Variants in NAGK observed in about 807,000 individuals in gnomAD.
NAGK encodes the protein N-acetylglucosamine kinase, also known as N-acetyl-D-glucosamine kinase.
In NAGK, 35 loss-of-function variants were observed where a neutral mutation model predicts 42.9. The observed-to-expected ratio is 0.82, with a 90% CI of 0.62 to 1.08. The LOEUF (loss-of-function observed/expected upper bound fraction) is 1.08, where lower values mean the gene tolerates loss of function less well. Among genes scored for constraint, NAGK ranks in the 50% least tolerant of loss-of-function variants. The probability of loss-of-function intolerance (pLI) is 0.00; values close to 1 mark genes in which losing one functional copy is unlikely to be tolerated. For synonymous variants in NAGK, 172 were observed against 176.0 expected (o/e 0.98, Z 0.18); for missense variants, 446 against 446.0 (o/e 1.00, Z 0.00).
Position 71,068,694 on chromosome 2 carries a change from T to C in NAGK, c.11T>C (p.Ile4Thr). 1 of 1,515,288 alleles carries C rather than the reference T, an allele frequency of 6.6e-7. No homozygotes were observed. The highest frequency in any genetic ancestry group is 8.8e-7 in the Non-Finnish European group (1 of 1,132,282). The allele number at this position is 1,515,288 out of a possible 1,614,324, so 93.9% of individuals were successfully genotyped here. ...GACGGTAGCAGCAGCATGGCCGCGA[T>C]CTATGGGGGTGTAGAGGGGTGAGTG... Reference protein sequence around the residue: MAAIYGGVEGGGTR... With the variant: MAATYGGVEGGGTR... Residue 4 changes from isoleucine (I) to threonine (T), a missense_variant, in exon 1 of 10, where the codon ATC (isoleucine) becomes ACC (threonine). Coordinates refer to ENST00000244204, the MANE Select transcript of NAGK (RefSeq NM_017567.6).
chr2:71,077,617 C>T lies in NAGK; in HGVS notation c.825C>T (p.Ser275=). The T allele has an allele frequency of 6.2e-7, 1 of 1,607,320 alleles. No homozygotes were observed. Among genetic ancestry groups the T allele is most frequent in the African/African-American group, 1.3e-5 (1 of 74,864 alleles). ...TGTGCGTGGGCTCTGTGTGGAAGAG[C>T]TGGGAGCTGCTGAAGGAAGGTGAGC... ...PILCVGSVWK[S]WELLKEGFLL... The change falls in exon 9 of 10, where the codon AGC becomes AGT. Residue 275 remains serine (S), a synonymous_variant. Coordinates refer to ENST00000244204, the MANE Select transcript of NAGK (RefSeq NM_017567.6).
At chr2:71,071,099 A>T in intron 3 of NAGK, 1 of 479,816 alleles carries the variant, frequency 2.1e-6, no homozygotes, top group South Asian at 2.2e-5. Flanking sequence ...GTATCTGCGT[A>T]ACCCTGTGTA....
Position 71,075,492 on chromosome 2 carries a change from G to C in NAGK, c.580-63G>C, listed in dbSNP as rs1054788276. ...TAGAGACATTAGGAAGGCCAACTTT[G>C]GTGGGCAGATTGGGGATTTTCCTTT... On this transcript the variant is annotated intron_variant, in intron 6 of 9. Coordinates refer to ENST00000244204, the MANE Select transcript of NAGK (RefSeq NM_017567.6). The C allele has an allele frequency of 2.2e-5, 29 of 1,339,836 alleles. No homozygotes were observed. In the Middle Eastern group the frequency reaches 7.2e-4, roughly 33 times the overall value. The allele number at this position is 1,339,836 out of a possible 1,614,324, so 83.0% of individuals were successfully genotyped here. A position where few individuals can be genotyped will look rare whatever the true frequency, so the allele number is the denominator to read the frequency against.
chr2:71,073,629 G>T (rs1457969268), intron 6 of NAGK, 35 bp downstream of exon 6: 5 of 1,526,358 alleles, frequency 3.3e-6, no homozygotes, highest in Non-Finnish European at 4.5e-6. Context: ...ATGCGCACCT[G>T]GGGTAGGGCA....
chr2:71,068,471 T>A (rs1196224212), upstream of NAGK: 2 of 1,405,802 alleles, frequency 1.4e-6, no homozygotes, highest in African/African-American at 1.5e-5. Context: ...TCGCTCCACC[T>A]GGAGGAGACA....
At chr2:71,075,129 A>G (rs910906642) in intron 6 of NAGK, 1 of 158,480 alleles carries the variant, frequency 6.3e-6, no homozygotes, top group Non-Finnish European at 1.4e-5. Context: ...TACAATATGC[A>G]ATATTCCTTG....
chr2:71,068,634 A>G (rs1361283601), upstream of NAGK: 5 of 1,521,032 alleles, frequency 3.3e-6, no homozygotes, highest in African/African-American at 5.7e-5. Context: ...AGGAGGTGTC[A>G]GGCGGGGAGA....
chr2:71,077,646 G>T lies in NAGK; in HGVS notation c.844+10G>T, dbSNP rs2302795. ...GAGCTGCTGAAGGAAGGTGAGCCTG[G>T]GGGGAGGCTGGAAGGGCAAGGGCAG... On this transcript the variant is annotated intron_variant, in intron 9 of 9. Coordinates refer to ENST00000244204, the MANE Select transcript of NAGK (RefSeq NM_017567.6). 4.4e-6 allele frequency: 7 copies of T among 1,598,150 alleles called. No homozygotes were observed. Among genetic ancestry groups the T allele is most frequent in the African/African-American group, 4.0e-5 (3 of 74,572 alleles).
At chr2:71,068,304 G>C (rs990482768), upstream of NAGK, 1 of 471,382 alleles carries the variant, frequency 2.1e-6, no homozygotes, top group African/African-American at 2.0e-5. Flanking sequence ...ACGCGGGACT[G>C]CCAGCAACTT....
At chr2:71,076,423 T>C in intron 7 of NAGK, 181 bp from the exon 8 acceptor site, 2 of 558,224 alleles carry the variant, frequency 3.6e-6, no homozygotes, top group East Asian at 3.1e-5. Context: ...GGGAGGTAGC[T>C]GGTATGTTTG....
rs1043593968 is a variant in NAGK at position 71,072,586 on chromosome 2, C to T, written c.356-55C>T. 4.1e-5 allele frequency: 59 copies of T among 1,430,138 alleles called. No homozygotes were observed. In the African/African-American group the frequency reaches 7.2e-4, roughly 17 times the overall value. 88.6% of individuals were successfully genotyped at this position (1,430,138 alleles called of 1,614,324 possible). On this transcript the variant is annotated intron_variant, in intron 4 of 9. Transcript: ENST00000244204. ...TGTCCTGTCTTTCCACAGTGGCAAGCTGTTGCTCTGTGCCAGGCCTCGGCC... is the reference window on the plus strand; with the variant it reads ...TGTCCTGTCTTTCCACAGTGGCAAGTTGTTGCTCTGTGCCAGGCCTCGGCC...
Position 71,070,636 on chromosome 2 carries a change from C to T in NAGK, c.114+50C>T, listed in dbSNP as rs781437025. 1.1e-5 allele frequency: 17 copies of T among 1,605,796 alleles called. No individual in the cohort carries two copies. The Middle Eastern group carries it at 5.0e-4, about 47-fold the overall frequency. The stretch of plus-strand genomic sequence containing the variant: ...GAGGGCTTGGTTCTGATTTTATTCT[C>T]TGTAATTCCTGTTGAGGTGGTGGCT... On this transcript the variant is annotated intron_variant, in intron 2 of 9. Coordinates refer to ENST00000244204, the MANE Select transcript of NAGK (RefSeq NM_017567.6).
At chr2:71,073,343 T>G in intron 5 of NAGK, 139 bp from the exon 6 acceptor site, 1 of 171,710 alleles carries the variant, frequency 5.8e-6, no homozygotes, top group Non-Finnish European at 1.2e-5. Flanking sequence ...TCCCACCCCC[T>G]GCCACCCCTG....
chr2:71,073,854 C>G (rs1307066392), intron 6 of NAGK, among the ~76,000 whole-genome samples: 1 of 152,138 alleles, frequency 6.6e-6, no homozygotes, highest in Non-Finnish European at 1.5e-5. Flanking sequence ...AGACTTCATT[C>G]TTGGGCAGCT....
At chr2:71,074,746 C>T (rs1023382819) in intron 6 of NAGK, 1 of 152,158 alleles carries the variant, frequency 6.6e-6, no homozygotes, top group African/African-American at 2.4e-5. Flanking sequence ...GAAACCCCGT[C>T]TGTACTAAAA....
chr2:71,077,512 G>C lies in NAGK; in HGVS notation c.766-46G>C. On this transcript the variant is annotated intron_variant, in intron 8 of 9. Transcript: ENST00000244204. ...TAGGAAACTCCCGCCTTCAGCACTG[G>C]AGAGGCTAGGTTGGCCCCCATATCC... 1.9e-6 allele frequency: 3 copies of C among 1,557,144 alleles called. No individual in the cohort carries two copies. In the South Asian group the frequency reaches 3.5e-5, roughly 18 times the overall value.
upstream of NAGK, chr2:71,068,547 T>TGCGCACGCGCAC (rs776611474): frequency 1.7e-5 from 25 of 1,476,960 alleles, no homozygotes; most frequent in African/African-American, 3.0e-5. Context: ...GCCCCGCGCA[T>TGCGCACGCGCAC]GCGCACGCGC....
chr2:71,071,367 A>C (rs906817323), intron 3 of NAGK: 6 of 359,514 alleles, frequency 1.7e-5, no homozygotes, highest in African/African-American at 4.1e-5. Flanking sequence ...CGTGTATACC[A>C]AACCAAGCTT....
chr2:71,070,624 T>C, intron 2 of NAGK, 38 bp downstream of exon 2: 1 of 1,608,402 alleles, frequency 6.2e-7, no homozygotes. Flanking sequence ...GGCTTGGTTC[T>C]GATTTTATTC....
Sources: allele counts gnomAD v4.1 joint callset (sites outside exome capture counted in the v4.1 genomes callset), GRCh38; gene constraint gnomAD v4.1.1; transcripts MANE v1.5; gene names NCBI Gene and HGNC (gene_info 2026-07-23, HGNC 2026-07-21).